ZNF423: variants seen among roughly 807,000 people sequenced by gnomAD.
ZNF423 encodes the protein Ebf-associated zinc finger protein.
In ZNF423, 12 loss-of-function variants were observed where a neutral mutation model predicts 95.8. The ratio of observed to expected loss-of-function variants is 0.13; its 90% CI spans 0.08 to 0.20. ZNF423 has a LOEUF of 0.20. Ranked by LOEUF, ZNF423 falls within the 10% of genes least tolerant of loss-of-function variation. The pLI is 1.00. For synonymous variants in ZNF423, 749 were observed against 711.9 expected, an observed-to-expected ratio of 1.05 and a Z score of -0.83; for missense variants, 1,316 against 1,737.1, an observed-to-expected ratio of 0.76 and a Z score of 4.31.
intron 3 of ZNF423, among the ~76,000 whole-genome samples, chr16:49,705,919 C>T (rs991048855): frequency 6.6e-6 from 1 of 152,162 alleles, no homozygotes; most frequent in Non-Finnish European, 1.5e-5. Flanking sequence ...TGTCCAAGTG[C>T]TCCATTGCTT....
chr16:49,646,574 CTTT>C (rs71380366), intron 3 of ZNF423, among the ~76,000 whole-genome samples: 3 of 117,996 alleles, frequency 2.5e-5, no homozygotes, highest in Admixed American at 9.2e-5. Context: ...TTTTCTTTTT[CTTT>C]TTTTTTTTTT....
chr16:49,764,986 T>A (rs2143666600), intron 2 of ZNF423, among the ~76,000 whole-genome samples: 1 of 151,454 alleles, frequency 6.6e-6, no homozygotes, highest in Non-Finnish European at 1.5e-5. Flanking sequence ...CTCAAACTCC[T>A]GACCTCAAGT....
chr16:49,603,079 C>T lies in ZNF423; in HGVS notation c.3601+23091G>A, dbSNP rs1045231053. The stretch of plus-strand genomic sequence containing the variant: ...AGGAGGAGGTTCCGAAACACTGGTG[C>T]GAGAAAAGGGTCTGGATGGGAGGAT... On this transcript the variant is annotated intron_variant, in intron 5 of 7. Coordinates refer to ENST00000563137, the MANE Select transcript of ZNF423 (RefSeq NM_001379286.1). The surrounding 1 kb of genome is among the most constrained non-coding windows in gnomAD (Gnocchi z 4.1). Among the ~76,000 whole-genome samples, 2 of 152,068 alleles carry T rather than the reference C, an allele frequency of 1.3e-5. No homozygotes were observed. Among genetic ancestry groups the T allele is most frequent in the African/African-American group, 2.4e-5 (1 of 41,428 alleles).
At chr16:49,826,952 G>A (rs2035011107) in intron 1 of ZNF423, 1 of 152,138 alleles carries the variant, frequency 6.6e-6, no homozygotes, top group Non-Finnish European at 1.5e-5. Context: ...TGAAAGGAGG[G>A]TCCCCGCTGC....
intron 5 of ZNF423, among the ~76,000 whole-genome samples, chr16:49,562,586 T>C (rs537791285): frequency 6.6e-6 from 1 of 152,300 alleles, no homozygotes; most frequent in East Asian, 1.9e-4. Flanking sequence ...CTATGATTGA[T>C]TGTAATGGGT....
chr16:49,573,606 T>C (rs990984289), intron 5 of ZNF423, among the ~76,000 whole-genome samples: 2 of 152,142 alleles, frequency 1.3e-5, no homozygotes, highest in African/African-American at 4.8e-5. Flanking sequence ...AGTTCCATCA[T>C]CTGGGCCTAC....
intron 5 of ZNF423, among the ~76,000 whole-genome samples, chr16:49,616,383 G>A (rs901913329): frequency 3.9e-5 from 6 of 152,092 alleles, no homozygotes; most frequent in East Asian, 1.9e-4. Context: ...AATATAGTTC[G>A]ACAGAATCAG....
At chr16:49,738,331 G>T (rs1351649022) in intron 2 of ZNF423, among the ~76,000 whole-genome samples, 2 of 152,096 alleles carry the variant, frequency 1.3e-5, no homozygotes, top group Admixed American at 1.3e-4. Flanking sequence ...GTAGTAAGGG[G>T]CCGGCATCCA....
At chr16:49,549,422 G>C (rs1969555057) in intron 5 of ZNF423, among the ~76,000 whole-genome samples, 2 of 152,172 alleles carry the variant, frequency 1.3e-5, no homozygotes. Flanking sequence ...TTCTGCTTAG[G>C]GGCATGGGCT....
intron 3 of ZNF423, among the ~76,000 whole-genome samples, chr16:49,671,467 A>T (rs2030805169): frequency 6.6e-6 from 1 of 152,212 alleles, no homozygotes. Context: ...CAAGAGGAAT[A>T]GCATGGGTGT....
intron 3 of ZNF423, among the ~76,000 whole-genome samples, chr16:49,709,120 G>A (rs749006973): frequency 4.1e-5 from 6 of 147,938 alleles, no homozygotes; most frequent in Admixed American, 3.5e-4. Context: ...CCAGCAGCTC[G>A]GCCCAGAAAA....
At chr16:49,499,121 C>G (rs1300077819) in intron 7 of ZNF423, among the ~76,000 whole-genome samples, 1 of 152,192 alleles carries the variant, frequency 6.6e-6, no homozygotes, top group Non-Finnish European at 1.5e-5. Flanking sequence ...ACGCAGATGG[C>G]AGGGCAAGGT....
chr16:49,689,021 G>T (rs2031675739), intron 3 of ZNF423, among the ~76,000 whole-genome samples: 1 of 152,198 alleles, frequency 6.6e-6, no homozygotes, highest in African/African-American at 2.4e-5. Flanking sequence ...AGGAGATCTT[G>T]GCCAGGAGCA....
intron 3 of ZNF423, among the ~76,000 whole-genome samples, chr16:49,698,486 G>T (rs1161888479): frequency 1.3e-5 from 2 of 152,178 alleles, no homozygotes; most frequent in East Asian, 3.9e-4. Flanking sequence ...AACTTTCTTT[G>T]CCAGTCGTGA....
chr16:49,635,651 T>C lies in ZNF423; in HGVS notation c.3516+9A>G, dbSNP rs1235224105. The C allele has an allele frequency of 9.0e-6, 14 of 1,549,712 alleles. No individual in the cohort carries two copies. The East Asian group carries it at 2.3e-4, about 25-fold the overall frequency. Reference sequence around the variant, plus strand: ...GAGCAGGGAGCAGGATGAGGTGGACTGCACTTACCCGGGGCACTGGCGATG... The same window carrying C: ...GAGCAGGGAGCAGGATGAGGTGGACCGCACTTACCCGGGGCACTGGCGATG... On this transcript the variant is annotated intron_variant, in intron 4 of 7. Transcript: ENST00000563137. The surrounding 1 kb of genome is among the most constrained non-coding windows in gnomAD (Gnocchi z 4.8).
chr16:49,602,051 T>C (rs1009355161), intron 5 of ZNF423, among the ~76,000 whole-genome samples: 5 of 152,210 alleles, frequency 3.3e-5, no homozygotes, highest in Admixed American at 2.0e-4. Flanking sequence ...GCTCAATTAT[T>C]GTTTGGGTGT....
chr16:49,656,383 C>T (rs1034887210), intron 3 of ZNF423, among the ~76,000 whole-genome samples: 10 of 151,962 alleles, frequency 6.6e-5, no homozygotes, highest in African/African-American at 1.5e-4. Flanking sequence ...TGGTGGTGCA[C>T]GCCTGTAACC....
intron 2 of ZNF423, among the ~76,000 whole-genome samples, chr16:49,772,532 A>T (rs1434749985): frequency 6.6e-6 from 1 of 152,126 alleles, no homozygotes; most frequent in African/African-American, 2.4e-5. Context: ...GCACAGGCTC[A>T]CCCCTGTTGT....
intron 5 of ZNF423, among the ~76,000 whole-genome samples, chr16:49,591,388 G>C (rs910357309): frequency 2.0e-5 from 3 of 152,126 alleles, no homozygotes; most frequent in Non-Finnish European, 4.4e-5. Context: ...TGCAAAAATA[G>C]TATGGGCATT....
Sources: allele counts gnomAD v4.1 joint callset (sites outside exome capture counted in the v4.1 genomes callset), GRCh38; gene constraint gnomAD v4.1.1; non-coding constraint Gnocchi (gnomAD v3.1); transcripts MANE v1.5; gene names NCBI Gene and HGNC (gene_info 2026-07-23, HGNC 2026-07-21).